The following PCDH15 variants were observed in gnomAD, a reference collection of about 807,000 sequenced individuals.
PCDH15 encodes protocadherin related 15.
In PCDH15, 129 loss-of-function variants were observed where a neutral mutation model predicts 178.5. The observed-to-expected ratio is 0.72, with a 90% CI of 0.63 to 0.84. PCDH15 has a LOEUF of 0.84. Among genes scored for constraint, PCDH15 ranks in the 40% least tolerant of loss-of-function variants. The pLI is 0.00. For missense variants in PCDH15, 2,230 were observed against 2,099.9 expected, an observed-to-expected ratio of 1.06 and a Z score of -1.21; for synonymous variants, 800 against 732.0, an observed-to-expected ratio of 1.09 and a Z score of -1.50.
intron 1 of PCDH15, among the ~76,000 whole-genome samples, chr10:55,291,190 C>A (rs1041494277): frequency 6.6e-6 from 1 of 152,194 alleles, no homozygotes; most frequent in African/African-American, 2.4e-5. Context: ...AGTCTTAACT[C>A]ATTTCATTAA....
intron 8 of PCDH15, among the ~76,000 whole-genome samples, chr10:54,306,898 A>G (rs1323866471): frequency 1.3e-5 from 2 of 149,362 alleles, no homozygotes; most frequent in African/African-American, 4.9e-5. Context: ...TTCAGCTCCT[A>G]ATTCCTTTAA....
intron 2 of PCDH15, among the ~76,000 whole-genome samples, chr10:55,027,793 C>T (rs899199852): frequency 2.0e-5 from 3 of 151,652 alleles, no homozygotes; most frequent in South Asian, 2.1e-4. Flanking sequence ...TACCATAGCA[C>T]GTGTATCATC....
intron 2 of PCDH15, among the ~76,000 whole-genome samples, chr10:54,655,284 G>GAGAGAGAGAGAGAC (rs2094364076): frequency 7.9e-6 from 1 of 126,662 alleles, no homozygotes; most frequent in Non-Finnish European, 1.7e-5. Flanking sequence ...GAGAGAGAGA[G>GAGAGAGAGAGAGAC]AGAGAGAGAG....
intron 20 of PCDH15, among the ~76,000 whole-genome samples, chr10:53,997,096 A>G (rs542627325): frequency 6.6e-6 from 1 of 152,270 alleles, no homozygotes; most frequent in East Asian, 1.9e-4. Flanking sequence ...GTCAATATGA[A>G]TAAACCTGCA....
chr10:54,166,486 C>A (rs1236047031), intron 13 of PCDH15, among the ~76,000 whole-genome samples: 2 of 152,168 alleles, frequency 1.3e-5, no homozygotes, highest in Non-Finnish European at 2.9e-5. Flanking sequence ...TTAGGACTTG[C>A]ACAATAGTGC....
intron 14 of PCDH15, among the ~76,000 whole-genome samples, chr10:54,149,989 G>A (rs2044364227): frequency 6.6e-6 from 1 of 152,098 alleles, no homozygotes; most frequent in Admixed American, 6.6e-5. Context: ...CAGAGTGACT[G>A]CAAGATGGGA....
At chr10:55,185,379 G>A (rs1250945466) in intron 1 of PCDH15, among the ~76,000 whole-genome samples, 3 of 151,602 alleles carry the variant, frequency 2.0e-5, no homozygotes, top group Non-Finnish European at 4.4e-5. Flanking sequence ...CTATAAACTA[G>A]GCCTCTTAAA....
chr10:55,485,353 C>A (rs1196723900), intron 2 of PCDH15, among the ~76,000 whole-genome samples: 1 of 151,572 alleles, frequency 6.6e-6, no homozygotes, highest in Admixed American at 6.6e-5. Flanking sequence ...AAGGTCATCA[C>A]CAAGGTCTGA....
At chr10:55,377,586 A>T (rs1837429279) in intron 2 of PCDH15, among the ~76,000 whole-genome samples, 1 of 152,126 alleles carries the variant, frequency 6.6e-6, no homozygotes, top group African/African-American at 2.4e-5. Flanking sequence ...TCATAAAAAT[A>T]ATTCAATAAA....
intron 2 of PCDH15, among the ~76,000 whole-genome samples, chr10:54,655,308 G>GAGAC (rs2094373473): frequency 5.4e-4 from 69 of 128,724 alleles, no homozygotes; most frequent in African/African-American, 1.8e-3. Context: ...GAGAGACAGA[G>GAGAC]AGAGAGACAG....
chr10:55,519,300 A>AAAAC (rs397956142), intron 2 of PCDH15, among the ~76,000 whole-genome samples: 2 of 148,920 alleles, frequency 1.3e-5, no homozygotes. Flanking sequence ...AAAAAAAAAA[A>AAAAC]CCCAATAGAT....
chr10:55,553,493 A>C (rs1481587576), intron 2 of PCDH15, among the ~76,000 whole-genome samples: 1 of 151,862 alleles, frequency 6.6e-6, no homozygotes, highest in Non-Finnish European at 1.5e-5. Context: ...TAAAAACATT[A>C]AAAATACTAT....
At chr10:54,139,491 C>A (rs565963596) in intron 14 of PCDH15, among the ~76,000 whole-genome samples, 2 of 151,992 alleles carry the variant, frequency 1.3e-5, no homozygotes, top group South Asian at 4.1e-4. Context: ...CATTGGGTGT[C>A]TGGGTCATTT....
At chr10:55,574,309 G>C (rs1842459014) in intron 2 of PCDH15, among the ~76,000 whole-genome samples, 2 of 151,944 alleles carry the variant, frequency 1.3e-5, no homozygotes, top group Admixed American at 6.6e-5. Context: ...CTATGTCCTT[G>C]AAACACTATT....
At chr10:55,223,895 C>T (rs926229571) in intron 1 of PCDH15, among the ~76,000 whole-genome samples, 9 of 152,078 alleles carry the variant, frequency 5.9e-5, no homozygotes, top group Middle Eastern at 3.4e-3. Flanking sequence ...TTCAGTTTAC[C>T]GCACATAGTA....
rs144444019 is a variant in PCDH15, at chr10:54,453,178, A to T, written c.158-74236T>A. ...GGGTATATACCCAAAGGATTACAAA[A>T]CATGCTGCTATAAAGACACATGCAC... On this transcript the variant is annotated intron_variant, in intron 3 of 37. Coordinates refer to ENST00000644397, the MANE Select transcript of PCDH15 (RefSeq NM_001384140.1). Among the ~76,000 whole-genome samples, 988 of 152,150 alleles carry T rather than the reference A, an allele frequency of 6.5e-3. 15 individuals carry two copies. The highest frequency in any genetic ancestry group is 0.023 in the African/African-American group (936 of 41,530).
intron 13 of PCDH15, among the ~76,000 whole-genome samples, chr10:54,179,264 T>C (rs1375439832): frequency 1.3e-5 from 2 of 152,106 alleles, no homozygotes; most frequent in African/African-American, 4.8e-5. Flanking sequence ...TTCATGTCCT[T>C]TGTAGGGACA....
intron 2 of PCDH15, among the ~76,000 whole-genome samples, chr10:55,355,453 G>T (rs1845051439): frequency 6.6e-6 from 1 of 151,894 alleles, no homozygotes; most frequent in Non-Finnish European, 1.5e-5. Context: ...ATGTGATGGT[G>T]CCGCAACATG....
intron 2 of PCDH15, among the ~76,000 whole-genome samples, chr10:55,439,334 A>C (rs1310962276): frequency 6.6e-6 from 1 of 152,156 alleles, no homozygotes; most frequent in Non-Finnish European, 1.5e-5. Flanking sequence ...ACAAGTATAT[A>C]TCCACCTAAT....
Sources: allele counts gnomAD v4.1 joint callset (sites outside exome capture counted in the v4.1 genomes callset), GRCh38; gene constraint gnomAD v4.1.1; transcripts MANE v1.5; gene names NCBI Gene and HGNC (gene_info 2026-07-23, HGNC 2026-07-21).